The following SLC22A23 variants were observed in gnomAD, a reference collection of about 807,000 sequenced individuals.
SLC22A23 encodes the protein ion transporter protein.
Under a neutral mutation model 61.0 loss-of-function variants are expected in SLC22A23, and 26 were observed. That is an observed-to-expected ratio of 0.43 (90% CI 0.31 to 0.59). SLC22A23 has a LOEUF of 0.59. Ranked by LOEUF, SLC22A23 falls within the 20% of genes least tolerant of loss-of-function variation. The pLI, the probability that SLC22A23 is intolerant of heterozygous loss-of-function variation, is 0.11. For missense variants in SLC22A23, 796 were observed against 934.7 expected (o/e 0.85, Z 1.94); for synonymous variants, 430 against 413.9 (o/e 1.04, Z -0.47).
intron 9 of SLC22A23, among the ~76,000 whole-genome samples, 186 bp from the exon 10 acceptor site, chr6:3,273,598 A>G (rs1031655655): frequency 2.0e-5 from 3 of 152,220 alleles, no homozygotes; most frequent in Non-Finnish European, 4.4e-5. Context: ...AGGCCACTCT[A>G]CGGCAGTGAC....
At chr6:3,292,478 T>C (rs1760691696) in intron 5 of SLC22A23, among the ~76,000 whole-genome samples, 1 of 152,028 alleles carries the variant, frequency 6.6e-6, no homozygotes, top group South Asian at 2.1e-4. Context: ...AGCACCCAGC[T>C]CCCATGCTCT....
chr6:3,400,097 C>T (rs976028232), intron 3 of SLC22A23, among the ~76,000 whole-genome samples: 1 of 152,134 alleles, frequency 6.6e-6, no homozygotes, highest in Non-Finnish European at 1.5e-5. Flanking sequence ...AGGCTGGTCT[C>T]GAACTCCTGA....
chr6:3,277,923 A>C (rs184218211), intron 9 of SLC22A23, among the ~76,000 whole-genome samples: 1 of 152,366 alleles, frequency 6.6e-6, no homozygotes, highest in Admixed American at 6.5e-5. Flanking sequence ...GCTTTGACGA[A>C]GCGAGCTGCC....
chr6:3,390,347 A>T lies in SLC22A23; in HGVS notation c.913+19841T>A, dbSNP rs1767586307. Among the ~76,000 whole-genome samples, 1 of 152,238 alleles carries T rather than the reference A, an allele frequency of 6.6e-6. No homozygotes were observed. The highest frequency in any genetic ancestry group is 1.5e-5 in the Non-Finnish European group (1 of 68,046). ...AAGATGCCCCTCTGTCAGAATGCAG[A>T]GAGATCTAAGTAGATCCTGCATCCC... On this transcript the variant is annotated intron_variant, in intron 3 of 9. Coordinates refer to ENST00000406686, the MANE Select transcript of SLC22A23 (RefSeq NM_015482.2). The surrounding 1 kb of genome is among the most constrained non-coding windows in gnomAD (Gnocchi z 4.0).
At chr6:3,368,856 G>A (rs558543546) in intron 3 of SLC22A23, among the ~76,000 whole-genome samples, 8 of 152,218 alleles carry the variant, frequency 5.3e-5, no homozygotes, top group South Asian at 4.2e-4. Context: ...AGGTGGGTTC[G>A]TTATGCAGCT....
At chr6:3,437,703 TA>T (rs1257549338) in intron 1 of SLC22A23, among the ~76,000 whole-genome samples, 1 of 147,996 alleles carries the variant, frequency 6.8e-6, no homozygotes, top group Non-Finnish European at 1.5e-5. Flanking sequence ...AATAAATAAA[TA>T]AATAATAATA....
At chr6:3,409,883 T>A (rs1769094858) in intron 3 of SLC22A23, among the ~76,000 whole-genome samples, 2 of 152,178 alleles carry the variant, frequency 1.3e-5, no homozygotes, top group Non-Finnish European at 1.5e-5. Flanking sequence ...ATGCAGACAA[T>A]TCTGAAGAAA....
chr6:3,358,067 A>G (rs1489335911), intron 3 of SLC22A23, among the ~76,000 whole-genome samples: 1 of 152,226 alleles, frequency 6.6e-6, no homozygotes. Context: ...TTAGGTTCTC[A>G]GTATCAAAGT....
intron 3 of SLC22A23, among the ~76,000 whole-genome samples, chr6:3,375,365 G>A (rs6925980): frequency 0.13 from 19,745 of 152,214 alleles, 1,688 homozygotes; most frequent in African/African-American, 0.25. Flanking sequence ...ACAACATTCA[G>A]TGTTTTGAAA....
At chr6:3,429,034 C>T (rs1442653023) in intron 1 of SLC22A23, among the ~76,000 whole-genome samples, 2 of 152,164 alleles carry the variant, frequency 1.3e-5, no homozygotes, top group African/African-American at 2.4e-5. Context: ...AAGGGCATGT[C>T]TGGGCTGCAG....
At chr6:3,379,462 C>T (rs1766813925) in intron 3 of SLC22A23, among the ~76,000 whole-genome samples, 1 of 152,120 alleles carries the variant, frequency 6.6e-6, no homozygotes, top group South Asian at 2.1e-4. Flanking sequence ...CTATCGAACA[C>T]CATGCAGCAA....
At chr6:3,283,445 G>C (rs571832539) in intron 9 of SLC22A23, 10 of 269,604 alleles carry the variant, frequency 3.7e-5, no homozygotes, top group East Asian at 1.0e-4. Context: ...GGAGGGCCGG[G>C]GGGTAGGCTC....
chr6:3,287,372 T>C (rs1021179290), intron 6 of SLC22A23, among the ~76,000 whole-genome samples: 1 of 152,236 alleles, frequency 6.6e-6, no homozygotes, highest in African/African-American at 2.4e-5. Flanking sequence ...TGAGTCCTTT[T>C]GTTAAAACAC....
rs1765396150 is a variant in SLC22A23 at position 3,360,937 on chromosome 6, G to A, written c.914-36935C>T. The stretch of plus-strand genomic sequence containing the variant: ...GAAGGTCAGAGCGTGGTACTGGGGT[G>A]ACGAGAGGCGCTAGCGAACATCAGC... On this transcript the variant is annotated intron_variant, in intron 3 of 9. Transcript: ENST00000406686. The surrounding 1 kb of genome is among the most constrained non-coding windows in gnomAD (Gnocchi z 4.6). Among the ~76,000 whole-genome samples, 2 of 152,262 alleles carry A rather than the reference G, an allele frequency of 1.3e-5. No homozygotes were observed. The highest frequency in any genetic ancestry group is 4.1e-4 in the South Asian group (2 of 4,838).
intron 4 of SLC22A23, chr6:3,311,696 G>A (rs1053535436): frequency 7.2e-5 from 11 of 152,160 alleles, no homozygotes; most frequent in Admixed American, 3.3e-4. Flanking sequence ...AATCTCTTGG[G>A]AGAAAAAGTG....
intron 3 of SLC22A23, among the ~76,000 whole-genome samples, chr6:3,382,358 T>C (rs1332975307): frequency 2.0e-5 from 3 of 152,254 alleles, no homozygotes; most frequent in Non-Finnish European, 2.9e-5. Flanking sequence ...TAGTTTACAA[T>C]GCATAACATA....
chr6:3,405,298 G>A (rs1561957388), intron 3 of SLC22A23, among the ~76,000 whole-genome samples: 1 of 151,986 alleles, frequency 6.6e-6, no homozygotes, highest in Non-Finnish European at 1.5e-5. Flanking sequence ...AAAGGCCTTC[G>A]GTAAACTCTG....
rs9328160 is a variant in SLC22A23 at position 3,324,924 on chromosome 6, T to C, written c.914-922A>G. The stretch of plus-strand genomic sequence containing the variant: ...CACCCAAGTGACAACCAATACAGAC[T>C]TACTACTACGTGAATCACCATAATG... On this transcript the variant is annotated intron_variant, in intron 3 of 9. Transcript: ENST00000406686. This position sits in a 1 kb window ranked among gnomAD's most constrained non-coding sequence, Gnocchi z 4.3. 0.26 allele frequency among the ~76,000 whole-genome samples: 38,983 copies of C among 152,204 alleles called. 6,248 individuals are homozygous for C. Among genetic ancestry groups the C allele is most frequent in the African/African-American group, 0.45 (18,727 of 41,510 alleles).
intron 5 of SLC22A23, among the ~76,000 whole-genome samples, chr6:3,296,020 G>A (rs1761054656): frequency 6.6e-6 from 1 of 152,232 alleles, no homozygotes; most frequent in African/African-American, 2.4e-5. Flanking sequence ...GGAGGGAAAT[G>A]AATCAGTGTA....
Sources: allele counts gnomAD v4.1 joint callset (sites outside exome capture counted in the v4.1 genomes callset), GRCh38; gene constraint gnomAD v4.1.1; non-coding constraint Gnocchi (gnomAD v3.1); transcripts MANE v1.5; gene names NCBI Gene and HGNC (gene_info 2026-07-23, HGNC 2026-07-21).